The following AGMO variants were observed in gnomAD, a reference collection of about 807,000 sequenced individuals.
The protein encoded by AGMO is glyceryl-ether monooxygenase.
AGMO carries 75 observed loss-of-function variants against 60.2 expected under a neutral mutation model. The observed-to-expected ratio is 1.25, with a 90% CI of 1.03 to 1.51. The LOEUF (loss-of-function observed/expected upper bound fraction) is 1.51, where lower values mean the gene tolerates loss of function less well. Among genes scored for constraint, AGMO ranks in the 40% most tolerant of loss-of-function variants. The probability of loss-of-function intolerance (pLI) is 0.00; values close to 1 mark genes in which losing one functional copy is unlikely to be tolerated. For missense variants in AGMO, 763 were observed against 525.5 expected, an observed-to-expected ratio of 1.45 and a Z score of -4.42; for synonymous variants, 261 against 177.1, an observed-to-expected ratio of 1.47 and a Z score of -3.76.
chr7:15,350,864 GAGA>G (rs1286538497), intron 12 of AGMO, among the ~76,000 whole-genome samples: 1 of 152,166 alleles, frequency 6.6e-6, no homozygotes, highest in East Asian at 1.9e-4. Flanking sequence ...GGAGAACATT[GAGA>G]AGAATAAATG....
At chr7:15,498,013 A>G (rs1783279409) in intron 3 of AGMO, among the ~76,000 whole-genome samples, 1 of 152,026 alleles carries the variant, frequency 6.6e-6, no homozygotes, top group African/African-American at 2.4e-5. Context: ...TATACTATGT[A>G]TACTGCACCC....
At chr7:15,408,467 A>C (rs1019322872) in intron 5 of AGMO, among the ~76,000 whole-genome samples, 2 of 151,914 alleles carry the variant, frequency 1.3e-5, no homozygotes, top group Non-Finnish European at 2.9e-5. Context: ...GCAGGGCAAT[A>C]GAGATGGAAA....
At chr7:15,531,796 G>A (rs536538089) in intron 3 of AGMO, among the ~76,000 whole-genome samples, 3 of 150,526 alleles carry the variant, frequency 2.0e-5, no homozygotes, top group African/African-American at 7.3e-5. Flanking sequence ...AAGTAGCTGG[G>A]ATTATAGGAT....
intron 12 of AGMO, among the ~76,000 whole-genome samples, chr7:15,305,009 T>C (rs1172434676): frequency 1.3e-5 from 2 of 151,938 alleles, no homozygotes; most frequent in Admixed American, 6.6e-5. Context: ...CTAGTTGACA[T>C]TGAGTAGTTA....
At chr7:15,246,681 A>C (rs1390387461) in intron 12 of AGMO, among the ~76,000 whole-genome samples, 1 of 152,112 alleles carries the variant, frequency 6.6e-6, no homozygotes, top group East Asian at 1.9e-4. Flanking sequence ...CATAATATAC[A>C]TGGATGCATG....
intron 12 of AGMO, among the ~76,000 whole-genome samples, chr7:15,364,755 T>C (rs184989131): frequency 2.0e-5 from 3 of 152,170 alleles, no homozygotes. Flanking sequence ...AAAGTGTATA[T>C]ACTGGGTTTT....
At chr7:15,228,845 A>C (rs896376549) in intron 12 of AGMO, among the ~76,000 whole-genome samples, 13 of 152,090 alleles carry the variant, frequency 8.5e-5, no homozygotes, top group Non-Finnish European at 1.6e-4. Context: ...CTGGATGTAA[A>C]TTTAAGGGAC....
chr7:15,482,913 C>A (rs917917113), intron 3 of AGMO, among the ~76,000 whole-genome samples: 1 of 152,086 alleles, frequency 6.6e-6, no homozygotes, highest in South Asian at 2.1e-4. Context: ...AGAAAATTCC[C>A]TTGAGAAAAC....
At chr7:15,207,831 A>G (rs1315358667) in intron 12 of AGMO, among the ~76,000 whole-genome samples, 1 of 152,150 alleles carries the variant, frequency 6.6e-6, no homozygotes, top group Admixed American at 6.5e-5. Flanking sequence ...CTACTCGGGA[A>G]GCTGAGACAG....
chr7:15,477,745 T>G (rs1583593417), intron 3 of AGMO, among the ~76,000 whole-genome samples: 1 of 152,280 alleles, frequency 6.6e-6, no homozygotes, highest in Admixed American at 6.5e-5. Context: ...AAGTGATTCT[T>G]CCTTTCTTTT....
In AGMO at chr7:15,384,820, T is replaced by C. The variant is rs868539130; in HGVS notation, c.1074+626A>G. Among the ~76,000 whole-genome samples, 423 of 131,658 alleles carry C rather than the reference T, an allele frequency of 3.2e-3. 1 individual carries two copies. The highest frequency in any genetic ancestry group is 5.9e-3 in the South Asian group (26 of 4,406). 86.4% of individuals were successfully genotyped at this position (131,658 alleles called of 152,430 possible). A position where few individuals can be genotyped will look rare whatever the true frequency, so the allele number is the denominator to read the frequency against. Reference sequence around the variant, plus strand: ...TATAAAAAATACCTGTTTTTCTCTTTTTTTTTTTTTTTTTGCAATTTACAA... The same window carrying C: ...TATAAAAAATACCTGTTTTTCTCTTCTTTTTTTTTTTTTTGCAATTTACAA... On this transcript the variant is annotated intron_variant, in intron 10 of 12. Coordinates refer to ENST00000342526, the MANE Select transcript of AGMO (RefSeq NM_001004320.2).
At chr7:15,117,887 C>T in the AGMO span, among the ~76,000 whole-genome samples, 4 of 151,924 alleles carry the variant, frequency 2.6e-5, no homozygotes, top group Non-Finnish European at 2.9e-5. Flanking sequence ...CTATCTGCTG[C>T]TCTCAGTTCT....
chr7:15,296,226 T>C (rs1490373274), intron 12 of AGMO, among the ~76,000 whole-genome samples: 3 of 152,164 alleles, frequency 2.0e-5, no homozygotes, highest in Non-Finnish European at 2.9e-5. Flanking sequence ...AGTAACTCTT[T>C]AGCTAATGTC....
rs1562554760 is a variant in AGMO at position 15,529,585 on chromosome 7, AG to A, written c.409+15186del. ...TATATTCTATATATAGAGTATATATAGTATATAAACTCTATATATAGAGTAT... is the reference window on the plus strand; with the variant it reads ...TATATTCTATATATAGAGTATATATATATATAAACTCTATATATAGAGTAT... On this transcript the variant is annotated intron_variant, in intron 3 of 12. Coordinates refer to ENST00000342526, the MANE Select transcript of AGMO (RefSeq NM_001004320.2). Among the ~76,000 whole-genome samples, 28 of 100,050 alleles carry A rather than the reference AG, an allele frequency of 2.8e-4. 1 individual carries two copies. Among genetic ancestry groups the A allele is most frequent in the African/African-American group, 1.1e-3 (27 of 24,174 alleles). The allele number at this position is 100,050 out of a possible 152,430, so 65.6% of individuals were successfully genotyped here. A position where few individuals can be genotyped will look rare whatever the true frequency, so the allele number is the denominator to read the frequency against.
chr7:15,325,331 T>A (rs1781303278), intron 12 of AGMO, among the ~76,000 whole-genome samples: 1 of 152,144 alleles, frequency 6.6e-6, no homozygotes, highest in Admixed American at 6.5e-5. Context: ...TAATTATATA[T>A]TAGCATTTCT....
chr7:15,251,409 A>G (rs1159740406), intron 12 of AGMO, among the ~76,000 whole-genome samples: 2 of 152,338 alleles, frequency 1.3e-5, no homozygotes, highest in East Asian at 3.9e-4. Context: ...GTGATGAAAG[A>G]GCTAAGAAGC....
At chr7:15,433,252 C>T (rs989630909) in intron 3 of AGMO, among the ~76,000 whole-genome samples, 2 of 151,986 alleles carry the variant, frequency 1.3e-5, no homozygotes, top group East Asian at 1.9e-4. Flanking sequence ...AGAAGCTAAA[C>T]GGTGAAACAA....
intron 12 of AGMO, among the ~76,000 whole-genome samples, chr7:15,357,190 C>CGTGTGTGTGTGTGT (rs36124819): frequency 1.1e-3 from 152 of 144,454 alleles, no homozygotes; most frequent in East Asian, 3.3e-3. Flanking sequence ...TATGAATATT[C>CGTGTGTGTGTGTGT]GTGTGTGTGT....
chr7:15,497,334 G>A (rs910178975), intron 3 of AGMO, among the ~76,000 whole-genome samples: 1 of 152,032 alleles, frequency 6.6e-6, no homozygotes, highest in African/African-American at 2.4e-5. Flanking sequence ...CCACTTGTTT[G>A]TATTGTCCCC....
Sources: allele counts gnomAD v4.1 joint callset (sites outside exome capture counted in the v4.1 genomes callset), GRCh38; gene constraint gnomAD v4.1.1; transcripts MANE v1.5; gene names NCBI Gene and HGNC (gene_info 2026-07-23, HGNC 2026-07-21).